Variants in FRYL observed in about 807,000 individuals in gnomAD.
The protein encoded by FRYL is FRY like transcription coactivator.
A neutral mutation model predicts 351.2 loss-of-function variants in FRYL; 150 were observed. That is an observed-to-expected ratio of 0.43 (90% CI 0.37 to 0.49). The LOEUF is 0.49. FRYL is among the 20% of genes least tolerant of loss of function. The pLI is 0.00. For synonymous variants in FRYL, 1,153 were observed against 1,257.1 expected, an observed-to-expected ratio of 0.92 and a Z score of 1.75; for missense variants, 3,036 against 3,619.3, an observed-to-expected ratio of 0.84 and a Z score of 4.13.
At position 48,618,592 on chromosome 4, in the gene FRYL, A is replaced by G. The variant is rs1455545529; in HGVS notation, c.411+682T>C. The stretch of plus-strand genomic sequence containing the variant: ...CTTTAAAGACCATGATCTTTAAAAA[A>G]AAAAAAAAAAAAAGCTTTCAAATTC... On this transcript the variant is annotated intron_variant, in intron 7 of 63. Coordinates refer to ENST00000358350, the MANE Select transcript of FRYL (RefSeq NM_015030.2). The G allele has an allele frequency of 2.7e-3, 417 of 152,074 alleles. 2 individuals carry two copies. Among genetic ancestry groups the G allele is most frequent in the African/African-American group, 9.6e-3 (398 of 41,506 alleles). The allele number at this position is 152,074 out of a possible 1,614,324, so 9.4% of individuals were successfully genotyped here.
chr4:48,541,441 T>C (rs564646836), intron 45 of FRYL, among the ~76,000 whole-genome samples: 5 of 152,162 alleles, frequency 3.3e-5, no homozygotes, highest in South Asian at 2.1e-4. Flanking sequence ...GCCAGCTGTA[T>C]AGAAAAGGAA....
chr4:48,545,956 A>G (rs1731244715), intron 42 of FRYL, 111 bp downstream of exon 42: 1 of 961,346 alleles, frequency 1.0e-6, no homozygotes, highest in Non-Finnish European at 1.6e-6. Context: ...AAACCTGTGT[A>G]TTTCACATCA....
chr4:48,745,963 T>TA (rs1175311107), intron 1 of FRYL, among the ~76,000 whole-genome samples: 1 of 151,832 alleles, frequency 6.6e-6, no homozygotes, highest in East Asian at 1.9e-4. Flanking sequence ...TTAGAGTAAA[T>TA]AAAAAAAATA....
intron 33 of FRYL, among the ~76,000 whole-genome samples, chr4:48,559,642 A>G (rs1332791552): frequency 2.3e-5 from 2 of 86,234 alleles, no homozygotes; most frequent in Admixed American, 3.0e-4. Flanking sequence ...GGGAGAGAGG[A>G]AGAGGGAGGG....
chr4:48,509,105 G>C (rs1240721384), intron 59 of FRYL, among the ~76,000 whole-genome samples: 1 of 152,132 alleles, frequency 6.6e-6, no homozygotes, highest in Non-Finnish European at 1.5e-5. Flanking sequence ...GATGGAAAAG[G>C]CTGATAACCT....
chr4:48,748,792 T>C (rs1035675335), intron 1 of FRYL, among the ~76,000 whole-genome samples: 16 of 152,190 alleles, frequency 1.1e-4, no homozygotes, highest in Admixed American at 2.0e-4. Flanking sequence ...AGTAAGTAGA[T>C]TGCGAAGCTA....
At chr4:48,676,175 G>T (rs1239067787) in intron 3 of FRYL, among the ~76,000 whole-genome samples, 1 of 152,130 alleles carries the variant, frequency 6.6e-6, no homozygotes, top group Non-Finnish European at 1.5e-5. Context: ...AGCCAGCATT[G>T]GAAACCCACT....
intron 7 of FRYL, among the ~76,000 whole-genome samples, chr4:48,616,512 T>G (rs925972852): frequency 6.6e-6 from 1 of 152,174 alleles, no homozygotes; most frequent in African/African-American, 2.4e-5. Context: ...GGATAATAAC[T>G]TGCCCAAAGT....
At chr4:48,545,981 AACAAAAAT>A (rs1392281475) in intron 42 of FRYL, 78 bp downstream of exon 42, 7 of 1,247,288 alleles carry the variant, frequency 5.6e-6, no homozygotes, top group Non-Finnish European at 7.9e-6. Context: ...TATTTCAGAC[AACAAAAAT>A]ATGGCTCATA....
intron 47 of FRYL, among the ~76,000 whole-genome samples, chr4:48,537,238 A>T (rs1382263401): frequency 5.3e-5 from 8 of 152,222 alleles, no homozygotes; most frequent in African/African-American, 1.4e-4. Context: ...GAATGATTTT[A>T]AAAAACTTAT....
At chr4:48,704,033 G>C (rs1252284064) in intron 2 of FRYL, among the ~76,000 whole-genome samples, 2 of 152,146 alleles carry the variant, frequency 1.3e-5, no homozygotes, top group Non-Finnish European at 2.9e-5. Flanking sequence ...AAATAGGTCT[G>C]ACGTGTACAA....
chr4:48,752,050 C>T (rs144523211), intron 1 of FRYL, among the ~76,000 whole-genome samples: 7 of 152,078 alleles, frequency 4.6e-5, no homozygotes, highest in African/African-American at 1.4e-4. Flanking sequence ...AGATCTGATG[C>T]GGGGTGTGGG....
chr4:48,508,914 G>A (rs138438019), intron 59 of FRYL, among the ~76,000 whole-genome samples: 747 of 152,244 alleles, frequency 4.9e-3, no homozygotes, highest in Non-Finnish European at 7.0e-3. Flanking sequence ...CAAATCACAA[G>A]GCCATCCCAA....
At chr4:48,774,775 T>C (rs949626228) in intron 1 of FRYL, among the ~76,000 whole-genome samples, 10 of 152,154 alleles carry the variant, frequency 6.6e-5, no homozygotes, top group African/African-American at 2.4e-4. Flanking sequence ...CTCGAACTCC[T>C]ATCCTCAGTG....
chr4:48,779,460 GAGAC>G (rs1776394449), intron 1 of FRYL, among the ~76,000 whole-genome samples: 1 of 152,134 alleles, frequency 6.6e-6, no homozygotes, highest in Non-Finnish European at 1.5e-5. Flanking sequence ...AGTGGGCGGA[GAGAC>G]CAGAGCAAGG....
At chr4:48,740,288 G>C (rs1027663200) in intron 1 of FRYL, among the ~76,000 whole-genome samples, 4 of 120,772 alleles carry the variant, frequency 3.3e-5, no homozygotes, top group African/African-American at 1.4e-4. Flanking sequence ...AAAACAATCT[G>C]ATTTTTTTTT....
chr4:48,676,121 G>C lies in FRYL; in HGVS notation c.-81+8552C>G, dbSNP rs368552076. Among the ~76,000 whole-genome samples the C allele has an allele frequency of 1.0e-3, 159 of 152,278 alleles. 3 individuals are homozygous for C. In the South Asian group the frequency reaches 0.032, roughly 31 times the overall value. On this transcript the variant is annotated intron_variant, in intron 3 of 63. Coordinates refer to ENST00000358350, the MANE Select transcript of FRYL (RefSeq NM_015030.2). ...GGCCACTCAGCTCTACCAATCAGCA[G>C]GATGTGGGTGGGGCCAGATAAGAGA...
At chr4:48,674,439 ATTTC>A (rs1328868217) in intron 3 of FRYL, among the ~76,000 whole-genome samples, 1 of 152,140 alleles carries the variant, frequency 6.6e-6, no homozygotes, top group Non-Finnish European at 1.5e-5. Flanking sequence ...GATCATTTTG[ATTTC>A]TTTATTAAGT....
chr4:48,521,247 A>G (rs1345711676), intron 54 of FRYL, 32 bp from the exon 55 acceptor site: 1 of 1,511,654 alleles, frequency 6.6e-7, no homozygotes. Flanking sequence ...TAAGGAATTC[A>G]TTTATGAGTC....
Sources: allele counts gnomAD v4.1 joint callset (sites outside exome capture counted in the v4.1 genomes callset), GRCh38; gene constraint gnomAD v4.1.1; transcripts MANE v1.5; gene names NCBI Gene and HGNC (gene_info 2026-07-23, HGNC 2026-07-21).